VPS13B: variants seen among roughly 807,000 people sequenced by gnomAD.
VPS13B encodes the protein intermembrane lipid transfer protein VPS13B.
A neutral mutation model predicts 426.4 loss-of-function variants in VPS13B; 285 were observed. The ratio of observed to expected loss-of-function variants is 0.67; its 90% CI spans 0.61 to 0.74. The LOEUF (loss-of-function observed/expected upper bound fraction) is 0.74, where lower values mean the gene tolerates loss of function less well. Ranked by LOEUF, VPS13B falls within the 30% of genes least tolerant of loss-of-function variation. The probability of loss-of-function intolerance (pLI) is 0.00; values close to 1 mark genes in which losing one functional copy is unlikely to be tolerated. For missense variants in VPS13B, 4,537 were observed against 4,782.6 expected, an observed-to-expected ratio of 0.95 and a Z score of 1.51; for synonymous variants, 1,676 against 1,676.4, an observed-to-expected ratio of 1.00 and a Z score of 0.01.
At position 99,602,669 on chromosome 8, in the gene VPS13B, A is replaced by C. The variant is rs551902962; in HGVS notation, c.5220+25036A>C. ...AGCCCAAAATCTCCTTAAGCTGATA[A>C]GCAACTTCAGCAAAGTCTCAGGATA... On this transcript the variant is annotated intron_variant, in intron 33 of 61. Transcript: ENST00000357162. Among the ~76,000 whole-genome samples the C allele has an allele frequency of 2.9e-4, 44 of 152,370 alleles. No individual in the cohort carries two copies. The South Asian group carries it at 9.1e-3, about 32-fold the overall frequency.
At chr8:99,652,253 C>A (rs559672274) in intron 34 of VPS13B, among the ~76,000 whole-genome samples, 2 of 152,026 alleles carry the variant, frequency 1.3e-5, no homozygotes, top group Admixed American at 6.6e-5. Context: ...AGCTGTGTGA[C>A]CTTAGGCAAG....
Position 99,818,827 on chromosome 8 carries a change from C to T in VPS13B, c.8560C>T (p.Gln2854Ter), listed in dbSNP as rs2130814064. Residue 2854 changes from glutamine (Q) to a stop codon, truncating the protein, a stop_gained, in exon 47 of 62, where the codon CAG becomes TAG. Transcript: ENST00000357162. LOFTEE classifies it high-confidence loss of function. ...SETQIIPGKG[Q>*]EKPLQNIEPD... ...AACACAAATTATTCCAGGAAAAGGGCAGGAAAAACCACTGCAAAACATAGA... is the reference window on the plus strand; with the variant it reads ...AACACAAATTATTCCAGGAAAAGGGTAGGAAAAACCACTGCAAAACATAGA... The T allele has an allele frequency of 1.2e-6, 2 of 1,613,944 alleles. No homozygotes were observed. Among genetic ancestry groups the T allele is most frequent in the South Asian group, 2.2e-5 (2 of 91,070 alleles).
chr8:99,857,585 T>C (rs1816616797), intron 56 of VPS13B, among the ~76,000 whole-genome samples: 1 of 152,040 alleles, frequency 6.6e-6, no homozygotes, highest in African/African-American at 2.4e-5. Context: ...AAAACCTGGG[T>C]TGGAAACCCA....
At chr8:99,376,818 A>G (rs1008185590) in intron 19 of VPS13B, among the ~76,000 whole-genome samples, 4 of 152,036 alleles carry the variant, frequency 2.6e-5, no homozygotes, top group African/African-American at 9.7e-5. Context: ...AAATTTTTTC[A>G]TCATAATTAA....
chr8:99,664,393 T>C (rs1234880120), intron 35 of VPS13B, among the ~76,000 whole-genome samples: 1 of 152,024 alleles, frequency 6.6e-6, no homozygotes, highest in Non-Finnish European at 1.5e-5. Context: ...TGTATACATG[T>C]GCCGTGTTGG....
chr8:99,743,344 C>T (rs1809869042), intron 39 of VPS13B, among the ~76,000 whole-genome samples: 1 of 151,858 alleles, frequency 6.6e-6, no homozygotes, highest in Non-Finnish European at 1.5e-5. Context: ...AATGGAAGAA[C>T]ATTCCATGCT....
At chr8:99,505,802 T>C (rs1449393699) in intron 27 of VPS13B, among the ~76,000 whole-genome samples, 1 of 152,152 alleles carries the variant, frequency 6.6e-6, no homozygotes. Flanking sequence ...AAACATAATA[T>C]CTGCACTATG....
chr8:99,301,641 A>T (rs991336317), intron 19 of VPS13B, among the ~76,000 whole-genome samples: 2 of 151,976 alleles, frequency 1.3e-5, no homozygotes, highest in African/African-American at 4.8e-5. Context: ...ACGGGAGCTT[A>T]TTCAGTAAAA....
chr8:99,418,659 C>T (rs548627842), intron 21 of VPS13B, among the ~76,000 whole-genome samples: 2 of 152,184 alleles, frequency 1.3e-5, no homozygotes, highest in Admixed American at 6.6e-5. Flanking sequence ...AGTGGTTCTC[C>T]TGCCTCAGCC....
intron 43 of VPS13B, among the ~76,000 whole-genome samples, chr8:99,795,867 T>G (rs1436805483): frequency 6.6e-6 from 1 of 152,218 alleles, no homozygotes. Context: ...CACAATATCT[T>G]TTATGTCCTA....
At chr8:99,229,288 C>T (rs1588156642) in intron 17 of VPS13B, among the ~76,000 whole-genome samples, 2 of 152,280 alleles carry the variant, frequency 1.3e-5, no homozygotes, top group African/African-American at 2.4e-5. Context: ...GGTCCTTCTA[C>T]CACCATTATT....
chr8:99,642,425 C>T lies in VPS13B; in HGVS notation c.5835C>T (p.His1945=). ...CTTCCTTGCTTCTGAGTTGTCACCA[C>T]AGAAAGCAGCGAGTGGAAGTATCCA... ...SQPSLLLSCH[H]RKQRVEVSIF... The change falls in exon 34 of 62, where the codon CAC becomes CAT. Residue 1945 remains histidine, a synonymous_variant. Coordinates refer to ENST00000357162, the MANE Select transcript of VPS13B (RefSeq NM_152564.5). 6.2e-7 allele frequency: 1 copy of T among 1,614,092 alleles called. No homozygotes were observed. The highest frequency in any genetic ancestry group is 8.5e-7 in the Non-Finnish European group (1 of 1,180,004).
intron 3 of VPS13B, among the ~76,000 whole-genome samples, chr8:99,086,779 G>T (rs1197838377): frequency 1.3e-5 from 2 of 152,176 alleles, no homozygotes; most frequent in Non-Finnish European, 2.9e-5. Context: ...GTGGATATTG[G>T]TGAACAGCAA....
At chr8:99,024,101 C>G (rs1216179676) in intron 2 of VPS13B, among the ~76,000 whole-genome samples, 2 of 152,136 alleles carry the variant, frequency 1.3e-5, no homozygotes, top group Non-Finnish European at 2.9e-5. Context: ...AATAGCTATT[C>G]TAACTGATAT....
At chr8:99,069,942 C>T (rs1158777059) in intron 3 of VPS13B, among the ~76,000 whole-genome samples, 1 of 152,050 alleles carries the variant, frequency 6.6e-6, no homozygotes, top group Non-Finnish European at 1.5e-5. Context: ...TTGCTCTGTC[C>T]ACTCAGGCAG....
At chr8:99,433,611 T>C (rs779282197) in intron 22 of VPS13B, among the ~76,000 whole-genome samples, 11 of 152,184 alleles carry the variant, frequency 7.2e-5, no homozygotes, top group Non-Finnish European at 1.3e-4. Flanking sequence ...GATATTCTGA[T>C]AGAAGTTATT....
At chr8:99,024,403 A>C (rs1842042144) in intron 2 of VPS13B, among the ~76,000 whole-genome samples, 1 of 152,194 alleles carries the variant, frequency 6.6e-6, no homozygotes, top group Admixed American at 6.5e-5. Flanking sequence ...ATTTTCTCTT[A>C]TGTTTTCTTC....
chr8:99,712,210 G>A (rs1262590538), intron 36 of VPS13B, among the ~76,000 whole-genome samples: 1 of 152,204 alleles, frequency 6.6e-6, no homozygotes, highest in African/African-American at 2.4e-5. Flanking sequence ...GTTGTCCTGA[G>A]GCATGGAAGA....
chr8:99,274,419 A>G, intron 18 of VPS13B, 87 bp downstream of exon 18: 1 of 1,592,120 alleles, frequency 6.3e-7, no homozygotes, highest in East Asian at 2.2e-5. Flanking sequence ...TGAAACAAGA[A>G]TTTACTCACT....
Sources: allele counts gnomAD v4.1 joint callset (sites outside exome capture counted in the v4.1 genomes callset), GRCh38; gene constraint gnomAD v4.1.1; transcripts MANE v1.5; gene names NCBI Gene and HGNC (gene_info 2026-07-23, HGNC 2026-07-21).